ATG3: variants seen among roughly 807,000 people sequenced by gnomAD.
The protein encoded by ATG3 is ubiquitin-like-conjugating enzyme ATG3.
ATG3 carries 25 observed loss-of-function variants against 50.7 expected under a neutral mutation model. That is an observed-to-expected ratio of 0.49 (90% CI 0.36 to 0.69). The LOEUF (loss-of-function observed/expected upper bound fraction) is 0.69, where lower values mean the gene tolerates loss of function less well. ATG3 is among the 30% of genes least tolerant of loss of function. ATG3 has a pLI of 0.00. For synonymous variants in ATG3, 119 were observed against 125.5 expected (o/e 0.95, Z 0.34); for missense variants, 281 against 376.0 (o/e 0.75, Z 2.09).
chr3:112,553,457 T>C (rs1933582024), intron 2 of ATG3, 128 bp from the exon 3 acceptor site: 2 of 685,006 alleles, frequency 2.9e-6, no homozygotes, highest in East Asian at 2.6e-5. Context: ...GCAATAAAAA[T>C]ATAAACAGCA....
At chr3:112,553,168 G>T in intron 3 of ATG3, 112 bp downstream of exon 3, 1 of 860,946 alleles carries the variant, frequency 1.2e-6, no homozygotes, top group Non-Finnish European at 1.9e-6. Flanking sequence ...CTGCTGGGGG[G>T]AAAGTTAAAC....
intron 4 of ATG3, among the ~76,000 whole-genome samples, chr3:112,549,220 G>GT (rs1245244421): frequency 3.9e-5 from 6 of 152,104 alleles, no homozygotes; most frequent in African/African-American, 1.2e-4. Context: ...CAATTAACAG[G>GT]TATTATTATT....
At chr3:112,556,534 G>A (rs1377724669) in intron 2 of ATG3, among the ~76,000 whole-genome samples, 2 of 152,180 alleles carry the variant, frequency 1.3e-5, no homozygotes, top group Non-Finnish European at 2.9e-5. Context: ...GTACTCAACA[G>A]CTCATTGAGA....
intron 5 of ATG3, among the ~76,000 whole-genome samples, chr3:112,547,317 C>T (rs1467926547): frequency 6.6e-6 from 1 of 152,088 alleles, no homozygotes; most frequent in Admixed American, 6.5e-5. Flanking sequence ...ACCTCCTAAT[C>T]TCTAGGACTC....
chr3:112,549,640 C>T (rs1441359486), intron 4 of ATG3, among the ~76,000 whole-genome samples: 1 of 151,972 alleles, frequency 6.6e-6, no homozygotes, highest in East Asian at 1.9e-4. Flanking sequence ...AAAACCCTGT[C>T]TCTACTAAAA....
At chr3:112,539,759 G>A (rs1451919939) in intron 7 of ATG3, among the ~76,000 whole-genome samples, 1 of 152,094 alleles carries the variant, frequency 6.6e-6, no homozygotes, top group Non-Finnish European at 1.5e-5. Context: ...CTTTATATTA[G>A]ATACCATTAA....
intron 6 of ATG3, among the ~76,000 whole-genome samples, chr3:112,543,711 C>G (rs1933293289): frequency 1.3e-5 from 2 of 152,098 alleles, no homozygotes; most frequent in Admixed American, 1.3e-4. Context: ...ACATTTGGTA[C>G]TAAATACATT....
intron 1 of ATG3, among the ~76,000 whole-genome samples, chr3:112,559,721 T>C (rs1483797322): frequency 6.6e-6 from 1 of 152,160 alleles, no homozygotes; most frequent in African/African-American, 2.4e-5. Flanking sequence ...CTTAACAGAA[T>C]AATAAAGAGA....
At chr3:112,545,900 T>C (rs950343152) in intron 5 of ATG3, among the ~76,000 whole-genome samples, 7 of 152,132 alleles carry the variant, frequency 4.6e-5, no homozygotes, top group African/African-American at 1.7e-4. Flanking sequence ...GTGATGAACA[T>C]TTAAGTAAGT....
Position 112,544,228 on chromosome 3 carries a change from ATAG to A in ATG3, c.344-125_344-123del, listed in dbSNP as rs938631119. On this transcript the variant is annotated intron_variant, in intron 5 of 11. Coordinates refer to ENST00000283290, the MANE Select transcript of ATG3 (RefSeq NM_022488.5). ...TTTCTCTGAAATAAGGAGGCAAATA[ATAG>A]TAGTATCTTTACAAATGAACTCTAA... is the stretch of plus-strand genomic sequence containing the variant. 4 of 740,622 alleles carry A rather than the reference ATAG, an allele frequency of 5.4e-6. No individual in the cohort carries two copies. The African/African-American group carries it at 7.1e-5, about 13-fold the overall frequency. 45.9% of individuals were successfully genotyped at this position (740,622 alleles called of 1,614,324 possible). A position where few individuals can be genotyped will look rare whatever the true frequency, so the allele number is the denominator to read the frequency against.
chr3:112,547,239 A>T (rs1178732906), intron 5 of ATG3, among the ~76,000 whole-genome samples: 1 of 152,220 alleles, frequency 6.6e-6, no homozygotes, highest in African/African-American at 2.4e-5. Flanking sequence ...AATGCACAGA[A>T]AATAATTATC....
chr3:112,558,646 T>C lies in ATG3; in HGVS notation c.73-229A>G, dbSNP rs138521229. Among the ~76,000 whole-genome samples, 218 of 152,316 alleles carry C rather than the reference T, an allele frequency of 1.4e-3. 2 individuals are homozygous for C. Among genetic ancestry groups the C allele is most frequent in the African/African-American group, 5.0e-3 (207 of 41,558 alleles). On this transcript the variant is annotated intron_variant, in intron 1 of 11. Transcript: ENST00000283290. ...CACTCACTGGTAATGACCACAGGAA[T>C]ATACAAGTCTAATGTAGGAAACAGA...
chr3:112,540,616 G>C (rs1174144289), intron 7 of ATG3, among the ~76,000 whole-genome samples: 1 of 150,868 alleles, frequency 6.6e-6, no homozygotes, highest in Non-Finnish European at 1.5e-5. Flanking sequence ...TGGGAGTACA[G>C]AGAGTAAGCA....
In ATG3 at chr3:112,532,788, T is replaced by C. The variant is rs191721002; in HGVS notation, c.864-8A>G. 1 of 1,571,804 alleles carries C rather than the reference T, an allele frequency of 6.4e-7. No homozygotes were observed. Among genetic ancestry groups the C allele is most frequent in the Non-Finnish European group, 8.6e-7 (1 of 1,160,152 alleles). On this transcript the variant is annotated splice_polypyrimidine_tract_variant and splice_region_variant and intron_variant, in intron 11 of 11. Transcript: ENST00000283290. ...AAGAAAATAAGAAGATACCTAAAGG[T>C]TTTTAGCTAAGGAAAATAAGATTTG...
chr3:112,561,535 G>A lies in ATG3; in HGVS notation c.-7C>T, dbSNP rs776484460. On this transcript the variant is annotated 5_prime_UTR_variant, in exon 1 of 12. Coordinates refer to ENST00000283290, the MANE Select transcript of ATG3 (RefSeq NM_022488.5). ...TATTAATCACATTCTGCATCCTGGGGCCGGAGTAGCGGCCGGCCCCGCGAC... is the reference window on the plus strand; with the variant it reads ...TATTAATCACATTCTGCATCCTGGGACCGGAGTAGCGGCCGGCCCCGCGAC... 4.4e-6 allele frequency: 7 copies of A among 1,607,512 alleles called. No homozygotes were observed. The Admixed American group carries it at 1.0e-4, about 23-fold the overall frequency.
chr3:112,551,669 T>C (rs552668097), intron 3 of ATG3, among the ~76,000 whole-genome samples: 127 of 152,086 alleles, frequency 8.4e-4, no homozygotes, highest in African/African-American at 2.8e-3. Flanking sequence ...ATGAAGAAAA[T>C]GCTTATCATA....
rs761904550 is a variant in ATG3 at position 112,550,181 on chromosome 3, A to AT, written c.235+10dup. 9.4e-6 allele frequency: 15 copies of AT among 1,597,074 alleles called. No homozygotes were observed. The highest frequency in any genetic ancestry group is 1.3e-5 in the Non-Finnish European group (15 of 1,165,766). ...CGCAAAATTTATTCATATATGCAAC[A>AT]TAATTCTTACCATTTTTGGTTACCA... is the stretch of plus-strand genomic sequence containing the variant. On this transcript the variant is annotated intron_variant, in intron 4 of 11. Transcript: ENST00000283290.
intron 6 of ATG3, among the ~76,000 whole-genome samples, chr3:112,543,524 C>T (rs1192240056): frequency 6.6e-6 from 1 of 152,048 alleles, no homozygotes; most frequent in Non-Finnish European, 1.5e-5. Flanking sequence ...CTAAAGTTTG[C>T]TTTCAAATTT....
At chr3:112,537,971 C>A in intron 8 of ATG3, 81 bp from the exon 9 acceptor site, 2 of 1,385,224 alleles carry the variant, frequency 1.4e-6, no homozygotes, top group South Asian at 2.6e-5. Flanking sequence ...TTTTTCCATT[C>A]TATATTTTGT....
Sources: gnomAD v4.1 joint callset for allele counts (sites outside exome capture counted in the v4.1 genomes callset) on GRCh38, gnomAD v4.1.1 for gene constraint, MANE v1.5 for transcripts, NCBI Gene and HGNC (gene_info 2026-07-23, HGNC 2026-07-21) for gene names.